Variants in SPNS2 observed in about 807,000 individuals in gnomAD.
The protein encoded by SPNS2 is SPNS lysolipid transporter 2, sphingosine-1-phosphate, also known as sphingosine-1-phosphate transporter SPNS2.
Under a neutral mutation model 57.6 loss-of-function variants are expected in SPNS2, and 37 were observed. That is an observed-to-expected ratio of 0.64 (90% CI 0.49 to 0.85). The LOEUF (loss-of-function observed/expected upper bound fraction) is 0.85. Among genes scored for constraint, SPNS2 ranks in the 40% least tolerant of loss-of-function variants. SPNS2 has a pLI of 0.00. For missense variants in SPNS2, 831 were observed against 779.1 expected, an observed-to-expected ratio of 1.07 and a Z score of -0.79; for synonymous variants, 440 against 346.9, an observed-to-expected ratio of 1.27 and a Z score of -2.98.
intron 1 of SPNS2, among the ~76,000 whole-genome samples, chr17:4,506,445 T>A (rs1471886184): frequency 1.3e-5 from 2 of 152,058 alleles, no homozygotes; most frequent in Admixed American, 1.3e-4. Context: ...GTCTTGGGAG[T>A]CCCTGGGCCA....
At chr17:4,531,360 G>T (rs1308272542) in intron 5 of SPNS2, among the ~76,000 whole-genome samples, 2 of 152,226 alleles carry the variant, frequency 1.3e-5, no homozygotes, top group Non-Finnish European at 2.9e-5. Flanking sequence ...CAGGCTGAGG[G>T]TTGGAATCTC....
At chr17:4,536,648 C>G (rs1905827928) in intron 11 of SPNS2, 2 of 677,400 alleles carry the variant, frequency 3.0e-6, no homozygotes, top group East Asian at 5.4e-5. Flanking sequence ...TTGGGTTTGT[C>G]TCTGGACTTA....
At chr17:4,533,744 G>C (rs370535740) in intron 8 of SPNS2, 44 bp from the exon 9 acceptor site, 2 of 1,607,136 alleles carry the variant, frequency 1.2e-6, no homozygotes, top group Non-Finnish European at 1.7e-6. Context: ...TGGTTGCTGC[G>C]GATGGAGGGA....
chr17:4,504,196 C>T (rs1347556942), intron 1 of SPNS2, among the ~76,000 whole-genome samples: 1 of 152,208 alleles, frequency 6.6e-6, no homozygotes, highest in Non-Finnish European at 1.5e-5. Flanking sequence ...GTCCTGGCCA[C>T]TGCCACATCT....
rs2144321022 is a variant in SPNS2 at position 4,512,823 on chromosome 17, GCCAGAGGGCTC to G, written c.371-421_371-411del. Among the ~76,000 whole-genome samples, 1 of 144,428 alleles carries G rather than the reference GCCAGAGGGCTC, an allele frequency of 6.9e-6. No homozygotes were observed. The highest frequency in any genetic ancestry group is 1.9e-4 in the East Asian group (1 of 5,156). 94.8% of individuals were successfully genotyped at this position (144,428 alleles called of 152,430 possible). On this transcript the variant is annotated intron_variant, in intron 1 of 12. Transcript: ENST00000329078. The surrounding 1 kb of genome is among the most constrained non-coding windows in gnomAD (Gnocchi z 5.2). Reference sequence around the variant, plus strand: ...CAGAGTGAGCGGCTGCCCCTCCCAGGCCAGAGGGCTCCCCGCAGCTTTCAGGGCCCCCGCTG... The same window carrying G: ...CAGAGTGAGCGGCTGCCCCTCCCAGGCCCGCAGCTTTCAGGGCCCCCGCTG...
In SPNS2 at chr17:4,537,702, C is replaced by A; in HGVS notation, c.*254C>A. 2.2e-6 allele frequency: 1 copy of A among 456,786 alleles called. No individual in the cohort carries two copies. Among genetic ancestry groups the A allele is most frequent in the Non-Finnish European group, 4.4e-6 (1 of 226,972 alleles). 28.3% of individuals were successfully genotyped at this position (456,786 alleles called of 1,614,324 possible). ...CCAGCCCTAGGTTTGGGCCGCAGGG[C>A]CCCTGGGGCCAAGGAAGAAGACAGC... On this transcript the variant is annotated 3_prime_UTR_variant, in exon 13 of 13. Transcript: ENST00000329078.
chr17:4,536,614 C>T (rs1037804131), intron 11 of SPNS2, 188 bp downstream of exon 11: 18 of 768,982 alleles, frequency 2.3e-5, no homozygotes, highest in Middle Eastern at 3.8e-4. Context: ...TGGGAGGCCA[C>T]GGGGGTGTCT....
At chr17:4,524,027 C>T (rs1905205444) in intron 2 of SPNS2, among the ~76,000 whole-genome samples, 1 of 152,118 alleles carries the variant, frequency 6.6e-6, no homozygotes, top group Non-Finnish European at 1.5e-5. Context: ...GTAGAATGGA[C>T]AGATGGATGA....
chr17:4,536,508 G>A, intron 11 of SPNS2, 82 bp downstream of exon 11: 3 of 1,468,038 alleles, frequency 2.0e-6, no homozygotes, highest in Non-Finnish European at 2.8e-6. Flanking sequence ...GCCCTGGGGT[G>A]GGGCGGGGAG....
intron 2 of SPNS2, 86 bp from the exon 3 acceptor site, chr17:4,524,971 C>G: frequency 6.4e-7 from 1 of 1,559,626 alleles, no homozygotes; most frequent in Non-Finnish European, 8.7e-7. Context: ...GCTCCACAGA[C>G]TCTTGGCCCC....
At chr17:4,513,789 A>G (rs901585297) in intron 2 of SPNS2, among the ~76,000 whole-genome samples, 2 of 152,198 alleles carry the variant, frequency 1.3e-5, no homozygotes, top group Non-Finnish European at 2.9e-5. Context: ...AAAAAACTCC[A>G]GCTAGTCAGC....
rs569117013 is a variant in SPNS2 at position 4,502,986 on chromosome 17, C to A, written c.370+3569C>A. ...TGAGAACCCCCTGAGGGCAGCAGGC[C>A]TCAGAGCGGGTGAGGAGGGCCAGGC... On this transcript the variant is annotated intron_variant, in intron 1 of 12. Coordinates refer to ENST00000329078, the MANE Select transcript of SPNS2 (RefSeq NM_001124758.3). Among the ~76,000 whole-genome samples the A allele has an allele frequency of 2.0e-5, 3 of 152,358 alleles. No homozygotes were observed. The South Asian group carries it at 6.2e-4, about 32-fold the overall frequency.
rs372798367 is a variant in SPNS2, at chr17:4,533,134, G to A, written c.1088+5G>A. On this transcript the variant is annotated splice_donor_5th_base_variant and intron_variant, in intron 7 of 12. Coordinates refer to ENST00000329078, the MANE Select transcript of SPNS2 (RefSeq NM_001124758.3). ...GCCCTGTGGGGCCAAGGACAGGTGG[G>A]GCCCCGCGGGGTGGGCCCAGGGCTG... The A allele has an allele frequency of 3.8e-4, 607 of 1,604,348 alleles. 1 individual carries two copies. The highest frequency in any genetic ancestry group is 1.2e-3 in the Middle Eastern group (7 of 6,042).
intron 5 of SPNS2, among the ~76,000 whole-genome samples, chr17:4,531,616 G>A (rs547515686): frequency 2.6e-5 from 4 of 152,268 alleles, no homozygotes; most frequent in South Asian, 2.1e-4. Flanking sequence ...TCGGAGGAGC[G>A]GAAGCTTAAG....
intron 3 of SPNS2, among the ~76,000 whole-genome samples, chr17:4,529,093 A>G (rs142038314): frequency 0.03 from 4,540 of 149,912 alleles, 217 homozygotes; most frequent in African/African-American, 0.1. Flanking sequence ...CCGCCAACAC[A>G]CCCGGCTAAT....
chr17:4,532,314 C>T (rs891017135), intron 5 of SPNS2, among the ~76,000 whole-genome samples: 5 of 152,216 alleles, frequency 3.3e-5, no homozygotes, highest in South Asian at 2.1e-4. Context: ...TGCACCTTCC[C>T]ACCTCTGGTC....
chr17:4,517,667 A>G (rs1905029498), intron 2 of SPNS2, among the ~76,000 whole-genome samples: 1 of 152,156 alleles, frequency 6.6e-6, no homozygotes, highest in Non-Finnish European at 1.5e-5. Context: ...AAAAAAAAAA[A>G]TTAATAGAGC....
intron 11 of SPNS2, 160 bp from the exon 12 acceptor site, chr17:4,536,740 C>CTCTCCCCACCCCTGGGCTCTCCCA (rs1362627745): frequency 2.7e-5 from 18 of 678,038 alleles, no homozygotes; most frequent in Non-Finnish European, 3.6e-5. Context: ...TCTCTCTCTC[C>CTCTCCCCACCCCTGGGCTCTCCCA]TCTCCCCACC....
At chr17:4,532,481 C>T in intron 5 of SPNS2, 61 bp from the exon 6 acceptor site, 2 of 1,612,634 alleles carry the variant, frequency 1.2e-6, no homozygotes, top group Non-Finnish European at 1.7e-6. Context: ...TGAGTCCCTC[C>T]TTCTGCAGCA....
Sources: allele counts gnomAD v4.1 joint callset (sites outside exome capture counted in the v4.1 genomes callset), GRCh38; gene constraint gnomAD v4.1.1; non-coding constraint Gnocchi (gnomAD v3.1); transcripts MANE v1.5; gene names NCBI Gene and HGNC (gene_info 2026-07-23, HGNC 2026-07-21).